The following PARN variants were observed in gnomAD, a reference collection of about 807,000 sequenced individuals.
PARN encodes poly(A)-specific ribonuclease.
PARN carries 71 observed loss-of-function variants against 102.8 expected under a neutral mutation model. The observed-to-expected ratio is 0.69, with a 90% CI of 0.57 to 0.84. The LOEUF is 0.84. Ranked by LOEUF, PARN falls within the 40% of genes least tolerant of loss-of-function variation. The pLI, the probability that PARN is intolerant of heterozygous loss-of-function variation, is 0.00. For missense variants in PARN, 782 were observed against 760.9 expected, an observed-to-expected ratio of 1.03 and a Z score of -0.33; for synonymous variants, 261 against 252.9, an observed-to-expected ratio of 1.03 and a Z score of -0.30.
rs1307414828 is a variant in PARN, at chr16:14,496,860, T to C, written c.1481-14033A>G. On this transcript the variant is annotated intron_variant, in intron 21 of 23. Coordinates refer to ENST00000437198, the MANE Select transcript of PARN (RefSeq NM_002582.4). ...AATCCTAATACATTATTCTATATCC[T>C]AAAACATTAATCTATTTTCTTCCAT... Among the ~76,000 whole-genome samples, 4 of 152,206 alleles carry C rather than the reference T, an allele frequency of 2.6e-5. No individual in the cohort carries two copies. The East Asian group carries it at 7.7e-4, about 29-fold the overall frequency.
chr16:14,612,514 G>C (rs1450952832), intron 6 of PARN, among the ~76,000 whole-genome samples: 1 of 152,214 alleles, frequency 6.6e-6, no homozygotes. Context: ...GCCACTAACT[G>C]ATGTGAAGAC....
At position 14,569,347 on chromosome 16, in the gene PARN, T is replaced by G. The variant is rs540917026; in HGVS notation, c.1262+11527A>C. 2.6e-5 allele frequency among the ~76,000 whole-genome samples: 4 copies of G among 152,332 alleles called. No homozygotes were observed. In the South Asian group the frequency reaches 6.2e-4, roughly 24 times the overall value. Reference sequence around the variant, plus strand: ...CCACCCTTTCTGCACACCTTCTACATGCCACACCCAACACCAAACAGCCTT... The same window carrying G: ...CCACCCTTTCTGCACACCTTCTACAGGCCACACCCAACACCAAACAGCCTT... On this transcript the variant is annotated intron_variant, in intron 18 of 23. Coordinates refer to ENST00000437198, the MANE Select transcript of PARN (RefSeq NM_002582.4).
chr16:14,597,807 G>A (rs1970617274), intron 12 of PARN, among the ~76,000 whole-genome samples: 1 of 151,974 alleles, frequency 6.6e-6, no homozygotes. Flanking sequence ...AATTCCAACT[G>A]GCGGACTTCT....
At chr16:14,593,809 C>T (rs956921587) in intron 12 of PARN, among the ~76,000 whole-genome samples, 2 of 151,926 alleles carry the variant, frequency 1.3e-5, no homozygotes, top group African/African-American at 4.8e-5. Flanking sequence ...CCAGCCTGGC[C>T]AACATGGCGA....
chr16:14,487,015 T>C (rs74830651), intron 21 of PARN, among the ~76,000 whole-genome samples: 2 of 152,264 alleles, frequency 1.3e-5, no homozygotes, highest in African/African-American at 2.4e-5. Flanking sequence ...CCGGCTTCAC[T>C]GTGCCCAAGA....
At chr16:14,618,000 T>C (rs114248648) in intron 5 of PARN, among the ~76,000 whole-genome samples, 7,638 of 149,490 alleles carry the variant, frequency 0.051, 238 homozygotes, top group African/African-American at 0.084. Context: ...AGTCACCACA[T>C]CCAGCCTACT....
chr16:14,565,862 G>T (rs890463850), intron 18 of PARN, among the ~76,000 whole-genome samples: 1 of 152,170 alleles, frequency 6.6e-6, no homozygotes, highest in South Asian at 2.1e-4. Context: ...TATGAGGGCT[G>T]CCTTTAGAAA....
chr16:14,556,017 T>C (rs1967662693), intron 18 of PARN, among the ~76,000 whole-genome samples: 1 of 151,920 alleles, frequency 6.6e-6, no homozygotes, highest in Non-Finnish European at 1.5e-5. Context: ...GTATTTTTAG[T>C]ACAAACGGGG....
At chr16:14,598,609 A>G (rs1339804719) in intron 12 of PARN, among the ~76,000 whole-genome samples, 2 of 152,186 alleles carry the variant, frequency 1.3e-5, no homozygotes, top group Admixed American at 1.3e-4. Context: ...CCACTGCTGA[A>G]GAGGCTCACA....
chr16:14,481,867 C>T (rs751024140), intron 22 of PARN, among the ~76,000 whole-genome samples: 5 of 152,142 alleles, frequency 3.3e-5, no homozygotes, highest in Non-Finnish European at 7.4e-5. Flanking sequence ...CAGCATTTAT[C>T]TTCTGCAGGG....
rs201003753 is a variant in PARN at position 14,610,808 on chromosome 16, T to A, written c.390A>T (p.Gly130=). The change falls in exon 7 of 24, where the codon GGA becomes GGT. Residue 130 remains glycine, a splice_region_variant and synonymous_variant. Transcript: ENST00000437198. ...GFDFNKVFRN[G]IPYLNQEEER... is the part of the protein sequence containing the mutation. ...CTTCTTCCTGATTTAAATATGGAAT[T>A]CCTAAACACGATTTTAAAAAGAATG... 5.0e-6 allele frequency: 8 copies of A among 1,600,602 alleles called. No homozygotes were observed. In the African/African-American group the frequency reaches 1.1e-4, roughly 21 times the overall value.
At chr16:14,468,607 T>C (rs1962514121) in intron 22 of PARN, among the ~76,000 whole-genome samples, 1 of 152,164 alleles carries the variant, frequency 6.6e-6, no homozygotes, top group African/African-American at 2.4e-5. Flanking sequence ...CATTAGCTAA[T>C]TATTCTGTTC....
In PARN at chr16:14,568,120, C is replaced by T. The variant is rs570688026; in HGVS notation, c.1263-12411G>A. 4.6e-5 allele frequency among the ~76,000 whole-genome samples: 7 copies of T among 152,146 alleles called. No individual in the cohort carries two copies. The South Asian group carries it at 1.0e-3, about 23-fold the overall frequency. On this transcript the variant is annotated intron_variant, in intron 18 of 23. Coordinates refer to ENST00000437198, the MANE Select transcript of PARN (RefSeq NM_002582.4). Reference sequence around the variant, plus strand: ...TACCCAGCACTGTGGGAGGCCGAGACGGGAGAATCTTTTGGGTCCAGAAGT... The same window carrying T: ...TACCCAGCACTGTGGGAGGCCGAGATGGGAGAATCTTTTGGGTCCAGAAGT...
intron 12 of PARN, among the ~76,000 whole-genome samples, chr16:14,596,096 T>C (rs887555351): frequency 6.6e-6 from 1 of 152,174 alleles, no homozygotes; most frequent in East Asian, 1.9e-4. Context: ...TTAGAAGCAA[T>C]AATATCACCT....
chr16:14,608,162 T>C, intron 9 of PARN, 119 bp downstream of exon 9: 2 of 720,994 alleles, frequency 2.8e-6, no homozygotes, highest in Non-Finnish European at 4.7e-6. Context: ...GGGAACTTCA[T>C]GTAGTCAAAT....
intron 22 of PARN, among the ~76,000 whole-genome samples, chr16:14,461,321 T>C (rs766051893): frequency 1.6e-4 from 24 of 152,144 alleles, no homozygotes; most frequent in Non-Finnish European, 3.2e-4. Context: ...GTGAATAAAG[T>C]ATGAGCTTTT....
At chr16:14,500,664 A>G (rs1017035586) in intron 21 of PARN, among the ~76,000 whole-genome samples, 2 of 152,202 alleles carry the variant, frequency 1.3e-5, no homozygotes, top group Non-Finnish European at 2.9e-5. Context: ...TACCTCTAAC[A>G]TAAGTAAAGT....
At chr16:14,542,754 G>A (rs143285278) in intron 21 of PARN, among the ~76,000 whole-genome samples, 1 of 152,248 alleles carries the variant, frequency 6.6e-6, no homozygotes, top group East Asian at 1.9e-4. Flanking sequence ...CAGTGATCCT[G>A]TGGATAGACA....
chr16:14,621,209 G>C (rs192189653), intron 5 of PARN, among the ~76,000 whole-genome samples: 1 of 152,206 alleles, frequency 6.6e-6, no homozygotes, highest in East Asian at 1.9e-4. Context: ...GTCTACCATG[G>C]CTGGAGTGTT....
Sources: gnomAD v4.1 joint callset for allele counts (sites outside exome capture counted in the v4.1 genomes callset) on GRCh38, gnomAD v4.1.1 for gene constraint, MANE v1.5 for transcripts, NCBI Gene and HGNC (gene_info 2026-07-23, HGNC 2026-07-21) for gene names.